Variants in GRIP1 observed in about 807,000 individuals in gnomAD.
The protein encoded by GRIP1 is glutamate receptor interacting protein 1.
In GRIP1, 45 loss-of-function variants were observed where a neutral mutation model predicts 129.9. The observed-to-expected ratio is 0.35, with a 90% confidence interval of 0.27 to 0.44. GRIP1 has a LOEUF of 0.44. GRIP1 is among the 20% of genes least tolerant of loss of function. GRIP1 has a pLI of 1.00. For missense variants in GRIP1, 1,196 were observed against 1,396.8 expected (o/e 0.86, Z 2.29); for synonymous variants, 530 against 520.8 (o/e 1.02, Z -0.24).
intron 1 of GRIP1, among the ~76,000 whole-genome samples, chr12:66,734,598 G>A (rs1471313485): frequency 6.6e-6 from 1 of 152,128 alleles, no homozygotes; most frequent in Non-Finnish European, 1.5e-5. Context: ...ACAGATCTAT[G>A]ATGGAATGAT....
At chr12:66,834,982 T>C (rs867724992) in intron 1 of GRIP1, among the ~76,000 whole-genome samples, 5 of 151,014 alleles carry the variant, frequency 3.3e-5, no homozygotes, top group Middle Eastern at 3.4e-3. Context: ...TAAGCTACAC[T>C]TTATTAAAAT....
At chr12:66,929,795 G>A (rs1218545958) in intron 1 of GRIP1, among the ~76,000 whole-genome samples, 2 of 152,110 alleles carry the variant, frequency 1.3e-5, no homozygotes, top group African/African-American at 4.8e-5. Flanking sequence ...TCCTGACATA[G>A]GTGGACCTTT....
intron 1 of GRIP1, among the ~76,000 whole-genome samples, chr12:66,676,419 G>GTCA (rs2034335469): frequency 1.3e-5 from 2 of 152,124 alleles, no homozygotes; most frequent in Admixed American, 6.6e-5. Context: ...TAGTTTTGGA[G>GTCA]TCATGAAGCA....
At chr12:66,719,515 C>A (rs1246287198) in intron 1 of GRIP1, among the ~76,000 whole-genome samples, 1 of 152,156 alleles carries the variant, frequency 6.6e-6, no homozygotes, top group Non-Finnish European at 1.5e-5. Context: ...GATAGTATCA[C>A]ATTTCAATCC....
chr12:67,027,321 C>T (rs750817643), intron 1 of GRIP1, among the ~76,000 whole-genome samples: 3 of 152,202 alleles, frequency 2.0e-5, no homozygotes, highest in Non-Finnish European at 4.4e-5. Context: ...TATCACCACA[C>T]GTGGTCACTG....
chr12:66,352,706 C>CTGAAAGACAGAG (rs2054290564), intron 24 of GRIP1, among the ~76,000 whole-genome samples: 1 of 142,538 alleles, frequency 7.0e-6, no homozygotes, highest in African/African-American at 2.6e-5. Flanking sequence ...GCACTCCAGC[C>CTGAAAGACAGAG]TGAGACTCTG....
chr12:66,440,156 C>CT (rs1565739367), intron 13 of GRIP1, among the ~76,000 whole-genome samples: 1 of 152,058 alleles, frequency 6.6e-6, no homozygotes, highest in Admixed American at 6.6e-5. Context: ...CTTTTCTTTT[C>CT]TTTTTTAAAA....
intron 1 of GRIP1, among the ~76,000 whole-genome samples, chr12:67,058,403 A>T (rs1234158214): frequency 6.6e-6 from 1 of 152,258 alleles, no homozygotes; most frequent in Non-Finnish European, 1.5e-5. Flanking sequence ...GAAAAGACTT[A>T]TTAATTCTAA....
At chr12:66,587,512 G>A (rs2063686672) in intron 2 of GRIP1, among the ~76,000 whole-genome samples, 1 of 152,254 alleles carries the variant, frequency 6.6e-6, no homozygotes, top group Non-Finnish European at 1.5e-5. Flanking sequence ...TAGCCTGCCA[G>A]CTCCAGGAGG....
At chr12:66,700,263 G>A (rs2136349236) in intron 1 of GRIP1, among the ~76,000 whole-genome samples, 1 of 152,258 alleles carries the variant, frequency 6.6e-6, no homozygotes, top group East Asian at 1.9e-4. Flanking sequence ...GTATGCTGGA[G>A]CAACAGGTGC....
intron 1 of GRIP1, among the ~76,000 whole-genome samples, chr12:66,603,573 G>A (rs1565902064): frequency 6.6e-6 from 1 of 152,186 alleles, no homozygotes; most frequent in Admixed American, 6.5e-5. Flanking sequence ...CAACTGATAC[G>A]ACCAACAGCA....
intron 1 of GRIP1, among the ~76,000 whole-genome samples, chr12:66,977,807 ATTTTTTTTTTTTTT>A (rs200381983): frequency 8.3e-5 from 5 of 60,266 alleles, no homozygotes; most frequent in South Asian, 7.4e-4. Flanking sequence ...AGAGCTGAGC[ATTTTTTTTTTTTTT>A]TTTTTTTTTT....
intron 12 of GRIP1, 92 bp downstream of exon 12, chr12:66,445,230 T>G: frequency 9.9e-7 from 1 of 1,006,130 alleles, no homozygotes; most frequent in Non-Finnish European, 1.6e-6. Context: ...TTTCCTGCAT[T>G]GAGCAATGTT....
intron 1 of GRIP1, among the ~76,000 whole-genome samples, chr12:66,965,958 CA>C (rs2041993160): frequency 2.0e-5 from 3 of 152,146 alleles, no homozygotes; most frequent in African/African-American, 2.4e-5. Context: ...ACTGTGATGA[CA>C]AAATGAGGAG....
intron 2 of GRIP1, among the ~76,000 whole-genome samples, chr12:66,594,613 T>TA (rs2063975260): frequency 6.6e-6 from 1 of 152,190 alleles, no homozygotes; most frequent in Admixed American, 6.5e-5. Flanking sequence ...TTCTGGTGCT[T>TA]ACAGCTCTAT....
At chr12:66,712,519 T>TCA (rs1009278249) in intron 1 of GRIP1, among the ~76,000 whole-genome samples, 36 of 151,844 alleles carry the variant, frequency 2.4e-4, no homozygotes, top group Non-Finnish European at 3.4e-4. Flanking sequence ...TTAGTGAATC[T>TCA]CACACACACA....
intron 7 of GRIP1, among the ~76,000 whole-genome samples, chr12:66,490,781 C>T (rs1210217423): frequency 6.6e-6 from 1 of 151,488 alleles, no homozygotes; most frequent in Non-Finnish European, 1.5e-5. Flanking sequence ...AAAAACAATC[C>T]CATTAAAAAG....
At chr12:66,484,221 T>C (rs890272501) in intron 7 of GRIP1, among the ~76,000 whole-genome samples, 2 of 152,226 alleles carry the variant, frequency 1.3e-5, no homozygotes, top group African/African-American at 4.8e-5. Flanking sequence ...TTAGAAATAC[T>C]ATTTATACTC....
At chr12:66,390,104 G>A (rs1427163073) in intron 19 of GRIP1, among the ~76,000 whole-genome samples, 2 of 152,168 alleles carry the variant, frequency 1.3e-5, no homozygotes, top group Non-Finnish European at 2.9e-5. Context: ...GAGATGGGGG[G>A]CTGCCTCAGC....
Sources: gnomAD v4.1 joint callset for allele counts (sites outside exome capture counted in the v4.1 genomes callset) on GRCh38, gnomAD v4.1.1 for gene constraint, MANE v1.5 for transcripts, NCBI Gene and HGNC (gene_info 2026-07-23, HGNC 2026-07-21) for gene names.